The following KRT7 variants were observed in gnomAD, a reference collection of about 807,000 sequenced individuals.
The protein encoded by KRT7 is keratin 7, also known as keratin, type II cytoskeletal 7.
A neutral mutation model predicts 42.8 loss-of-function variants in KRT7; 50 were observed. The observed-to-expected ratio is 1.17, with a 90% CI of 0.93 to 1.48. The LOEUF is 1.48. Among genes scored for constraint, KRT7 ranks in the 40% most tolerant of loss-of-function variants. KRT7 has a pLI of 0.00. For missense variants in KRT7, 588 were observed against 637.6 expected, an observed-to-expected ratio of 0.92 and a Z score of 0.84; for synonymous variants, 268 against 266.3, an observed-to-expected ratio of 1.01 and a Z score of -0.06.
chr12:52,235,773 G>A (rs77450664), intron 2 of KRT7, among the ~76,000 whole-genome samples: 1,734 of 152,342 alleles, frequency 0.011, 43 homozygotes, highest in African/African-American at 0.04. Context: ...AGAGACCAGA[G>A]AAGTTTAGGG....
chr12:52,247,832 AC>A, intron 7 of KRT7: 1 of 333,464 alleles, frequency 3.0e-6, no homozygotes, highest in Non-Finnish European at 5.5e-6. Context: ...ACATACAGCT[AC>A]CATTCACCGA....
chr12:52,244,152 G>T (rs1942135591), intron 6 of KRT7, among the ~76,000 whole-genome samples: 1 of 152,252 alleles, frequency 6.6e-6, no homozygotes, highest in African/African-American at 2.4e-5. Context: ...TGGGTGGTGG[G>T]GGGATGTGAG....
At chr12:52,248,965 A>G, downstream of KRT7, 1 of 454,648 alleles carries the variant, frequency 2.2e-6, no homozygotes, top group South Asian at 5.1e-5. Context: ...AGGGGAAAAG[A>G]CGGGACTAGA....
rs200100406 is a variant in KRT7, at chr12:52,233,541, C to A, written c.245C>A (p.Pro82His). Residue 82 changes from proline to histidine, a missense_variant, in exon 1 of 9, where the codon CCC becomes CAC. Transcript: ENST00000331817. ...GCCCCGCTGCGGCTGGACGCCGACC[C>A]CTCCCTCCAGCGGGTGCGCCAGGAG... ...LLAPLRLDAD[P>H]SLQRVRQEES... The A allele has an allele frequency of 1.2e-6, 2 of 1,613,202 alleles. No homozygotes were observed. The highest frequency in any genetic ancestry group is 1.8e-4 in the Middle Eastern group (1 of 5,660).
chr12:52,250,568 G>A, downstream of KRT7: 3 of 1,253,026 alleles, frequency 2.4e-6, no homozygotes, highest in Non-Finnish European at 3.4e-6. Context: ...CACTGCAGAC[G>A]CTGCCCGTCA....
At chr12:52,252,552 C>T (rs1261017852), downstream of KRT7, 10 of 1,557,590 alleles carry the variant, frequency 6.4e-6, no homozygotes, top group Non-Finnish European at 8.7e-6. Flanking sequence ...TAACCACTGA[C>T]CACTGACTAG....
At chr12:52,248,509 A>G in intron 8 of KRT7, 82 bp from the exon 9 acceptor site, 1 of 1,363,156 alleles carries the variant, frequency 7.3e-7, no homozygotes, top group Non-Finnish European at 1.0e-6. Flanking sequence ...CAGCTGGGGC[A>G]GGAGGGTGGG....
chr12:52,252,183 A>G, downstream of KRT7: 3 of 1,528,938 alleles, frequency 2.0e-6, no homozygotes, highest in Non-Finnish European at 2.7e-6. Context: ...ATATGCAGAC[A>G]TGCTCCTGGG....
downstream of KRT7, among the ~76,000 whole-genome samples, chr12:52,249,961 A>T (rs541310058): frequency 1.3e-5 from 2 of 152,246 alleles, no homozygotes; most frequent in South Asian, 4.2e-4. Context: ...CTCCCGACTA[A>T]GAAGACCAAG....
downstream of KRT7, among the ~76,000 whole-genome samples, chr12:52,255,756 T>G (rs1443397006): frequency 6.6e-6 from 1 of 152,162 alleles, no homozygotes; most frequent in Non-Finnish European, 1.5e-5. Context: ...ACTTCCTTAC[T>G]CCTTTCCCAC....
chr12:52,238,806 T>G, intron 4 of KRT7, 31 bp downstream of exon 4: 2 of 1,365,368 alleles, frequency 1.5e-6, no homozygotes, highest in Non-Finnish European at 2.1e-6. Context: ...TGACATGTCT[T>G]ATCCTACCCA....
At chr12:52,233,939 G>A (rs939991253) in intron 1 of KRT7, among the ~76,000 whole-genome samples, 11 of 152,118 alleles carry the variant, frequency 7.2e-5, no homozygotes, top group African/African-American at 2.7e-4. Flanking sequence ...GTTTTGCCTC[G>A]GACTAGGAGT....
downstream of KRT7, chr12:52,254,230 A>G (rs776372108): frequency 2.8e-6 from 2 of 715,760 alleles, no homozygotes; most frequent in Non-Finnish European, 5.0e-6. Flanking sequence ...TGTCTAACTC[A>G]TATCCTCCTT....
In KRT7 at chr12:52,233,332, G is replaced by A; in HGVS notation, c.36G>A (p.Ser12=). The change falls in exon 1 of 9, where the codon TCG becomes TCA. Residue 12 remains serine, a synonymous_variant. Coordinates refer to ENST00000331817, the MANE Select transcript of KRT7 (RefSeq NM_005556.4). ...SIHFSSPVFT[S]RSAAFSGRGA... ...ACTTCAGCTCCCCGGTATTCACCTC[G>A]CGCTCAGCCGCCTTCTCGGGCCGCG... 6.4e-7 allele frequency: 1 copy of A among 1,570,276 alleles called. No individual in the cohort carries two copies. The highest frequency in any genetic ancestry group is 8.6e-7 in the Non-Finnish European group (1 of 1,163,784).
At chr12:52,251,499 C>T (rs1255530853), downstream of KRT7, among the ~76,000 whole-genome samples, 2 of 152,198 alleles carry the variant, frequency 1.3e-5, no homozygotes, top group Non-Finnish European at 1.5e-5. Context: ...AGGGGTTTGA[C>T]AAGTTTACCC....
chr12:52,234,946 C>G (rs554429493), intron 1 of KRT7, among the ~76,000 whole-genome samples: 52 of 152,328 alleles, frequency 3.4e-4, no homozygotes, highest in Admixed American at 7.2e-4. Flanking sequence ...AACCACGGGG[C>G]ACTTCCGTGC....
At position 52,245,536 on chromosome 12, in the gene KRT7, G is replaced by A. The variant is rs141666299; in HGVS notation, c.1109G>A (p.Arg370Gln). Residue 370 changes from arginine to glutamine, a missense_variant, in exon 7 of 9, where the codon CGG (arginine) becomes CAG (glutamine). Coordinates refer to ENST00000331817, the MANE Select transcript of KRT7 (RefSeq NM_005556.4). ...CAGCGGGGCAAGCAGGATATGGCAC[G>A]GCAGCTGCGTGAGTACCAGGAACTC... is the stretch of plus-strand genomic sequence containing the variant. ...ALQRGKQDMA[R>Q]QLREYQELMS... 3.1e-4 allele frequency: 505 copies of A among 1,614,168 alleles called. 4 individuals carry two copies. In the African/African-American group the frequency reaches 6.2e-3, roughly 20 times the overall value.
At chr12:52,250,361 C>T (rs1232008615), downstream of KRT7, 13 of 358,920 alleles carry the variant, frequency 3.6e-5, no homozygotes, top group South Asian at 3.0e-4. Context: ...GGAGGCTGGG[C>T]CCCGAAGCCC....
In KRT7 at chr12:52,245,950, T is replaced by A. The variant is rs1056782029; in HGVS notation, c.1205+318T>A. On this transcript the variant is annotated intron_variant, in intron 7 of 8. Transcript: ENST00000331817. ...GTCAGGTCAGAGACGATTGATTCCT[T>A]AGTCTCCAGAGGGGAAAGCTGTGGT... 8 of 328,576 alleles carry A rather than the reference T, an allele frequency of 2.4e-5. No homozygotes were observed. The East Asian group carries it at 5.5e-4, about 23-fold the overall frequency. The allele number at this position is 328,576 out of a possible 1,614,324, so 20.4% of individuals were successfully genotyped here. A position where few individuals can be genotyped will look rare whatever the true frequency, so the allele number is the denominator to read the frequency against.
Sources: gnomAD v4.1 joint callset for allele counts (sites outside exome capture counted in the v4.1 genomes callset) on GRCh38, gnomAD v4.1.1 for gene constraint, MANE v1.5 for transcripts, NCBI Gene and HGNC (gene_info 2026-07-23, HGNC 2026-07-21) for gene names.